Variants in LCORL observed in about 807,000 individuals in gnomAD.
LCORL encodes ligand-dependent nuclear receptor corepressor-like protein.
LCORL carries 41 observed loss-of-function variants against 141.8 expected under a neutral mutation model. The ratio of observed to expected loss-of-function variants is 0.29; its 90% CI spans 0.23 to 0.38. The LOEUF (loss-of-function observed/expected upper bound fraction) is 0.38. LCORL is among the 10% of genes least tolerant of loss of function. The probability of loss-of-function intolerance (pLI) is 1.00; values close to 1 mark genes in which losing one functional copy is unlikely to be tolerated. For missense variants in LCORL, 1,759 were observed against 2,035.0 expected, an observed-to-expected ratio of 0.86 and a Z score of 2.61; for synonymous variants, 618 against 694.1, an observed-to-expected ratio of 0.89 and a Z score of 1.72.
chr4:17,846,725 C>T (rs915442582), intron 7 of LCORL, among the ~76,000 whole-genome samples: 2 of 152,216 alleles, frequency 1.3e-5, no homozygotes, highest in African/African-American at 4.8e-5. Context: ...AGTTCATGAG[C>T]ACAGTCCTGT....
At chr4:17,946,634 C>T (rs1382294113) in intron 4 of LCORL, among the ~76,000 whole-genome samples, 2 of 151,760 alleles carry the variant, frequency 1.3e-5, no homozygotes, top group Non-Finnish European at 2.9e-5. Flanking sequence ...AAGATAATGA[C>T]AAAATAGTAT....
At chr4:17,881,370 C>G in intron 6 of LCORL, 5 of 981,088 alleles carry the variant, frequency 5.1e-6, no homozygotes, top group Non-Finnish European at 6.1e-6. Context: ...GGGAATTTCC[C>G]TGCCTTTCCT....
chr4:17,878,926 C>T (rs1727211011), intron 6 of LCORL, among the ~76,000 whole-genome samples: 1 of 151,058 alleles, frequency 6.6e-6, no homozygotes, highest in Non-Finnish European at 1.5e-5. Context: ...ACCGGGCTTG[C>T]TTATCGACCA....
chr4:17,877,173 T>C, exon 7 of LCORL: 4 of 1,230,734 alleles, frequency 3.3e-6, no homozygotes, highest in Non-Finnish European at 3.0e-6. Flanking sequence ...TTCTTGACGC[T>C]TTCGAAATCT....
chr4:17,949,645 T>C (rs1176729298), intron 4 of LCORL, among the ~76,000 whole-genome samples: 1 of 152,170 alleles, frequency 6.6e-6, no homozygotes, highest in African/African-American at 2.4e-5. Flanking sequence ...TTGGAAACAA[T>C]ACACTTTCTT....
chr4:17,933,710 T>G (rs1322119639), intron 4 of LCORL, among the ~76,000 whole-genome samples: 1 of 152,136 alleles, frequency 6.6e-6, no homozygotes, highest in Non-Finnish European at 1.5e-5. Flanking sequence ...TGTCCTATAC[T>G]CTATTCATTT....
At chr4:17,846,001 A>C in intron 7 of LCORL, 100 bp from the exon 8 acceptor site, 1 of 896,136 alleles carries the variant, frequency 1.1e-6, no homozygotes, top group East Asian at 2.4e-5. Context: ...TTGGACCTCT[A>C]AATTTTAGCA....
intron 1 of LCORL, among the ~76,000 whole-genome samples, chr4:17,982,442 G>A (rs985204018): frequency 2.0e-5 from 3 of 151,510 alleles, no homozygotes; most frequent in Non-Finnish European, 3.0e-5. Flanking sequence ...TTGCCAGCAT[G>A]TTATTTACTT....
Position 18,021,531 on chromosome 4 carries a change from C to T in LCORL, c.154+67G>A. 1 of 1,412,704 alleles carries T rather than the reference C, an allele frequency of 7.1e-7. No individual in the cohort carries two copies. The allele number at this position is 1,412,704 out of a possible 1,614,324, so 87.5% of individuals were successfully genotyped here. ...GAGATTCAACTAAACCCCTCAGCCA[C>T]AAACTCCTCGGGCTGCGACAGCGGT... On this transcript the variant is annotated intron_variant, in intron 1 of 7. Coordinates refer to ENST00000635767, the Ensembl canonical transcript of LCORL. The surrounding 1 kb of genome is among the most constrained non-coding windows in gnomAD (Gnocchi z 5.5).
rs148591141 is a variant in LCORL at position 18,009,324 on chromosome 4, T to C, written c.154+12274A>G. On this transcript the variant is annotated intron_variant, in intron 1 of 7. Coordinates refer to ENST00000635767, the Ensembl canonical transcript of LCORL. The stretch of plus-strand genomic sequence containing the variant: ...TAACCAATCTCCCACTGTAGCTGTC[T>C]CTTTCCCTACACGGACACCCTCCTC... Among the ~76,000 whole-genome samples the C allele has an allele frequency of 6.6e-3, 1,009 of 152,130 alleles. 15 individuals are homozygous for C. The highest frequency in any genetic ancestry group is 0.023 in the African/African-American group (971 of 41,470).
chr4:17,974,312 A>G (rs569391677), intron 1 of LCORL, among the ~76,000 whole-genome samples: 1 of 152,140 alleles, frequency 6.6e-6, no homozygotes, highest in South Asian at 2.1e-4. Context: ...TCTTTACTGC[A>G]TTTTAGTTAA....
At chr4:18,010,899 CT>C (rs1723659474) in intron 1 of LCORL, among the ~76,000 whole-genome samples, 1 of 152,148 alleles carries the variant, frequency 6.6e-6, no homozygotes, top group African/African-American at 2.4e-5. Flanking sequence ...TCCCTTGCTC[CT>C]GGTTTCTATG....
At chr4:17,874,235 C>T in exon 7 of LCORL, 1 of 1,233,906 alleles carries the variant, frequency 8.1e-7, no homozygotes, top group Non-Finnish European at 1.0e-6. Flanking sequence ...AATTACTTTT[C>T]ACATTTAAGA....
At position 18,019,632 on chromosome 4, in the gene LCORL, T is replaced by C. The variant is rs73802716; in HGVS notation, c.154+1966A>G. Among the ~76,000 whole-genome samples, 746 of 152,224 alleles carry C rather than the reference T, an allele frequency of 4.9e-3. 3 individuals are homozygous for C. Among genetic ancestry groups the C allele is most frequent in the African/African-American group, 0.017 (703 of 41,514 alleles). On this transcript the variant is annotated intron_variant, in intron 1 of 7. Transcript: ENST00000635767. ...AAAGTTTGACTATTTTTCAAGTCTATCTATTTTTATGATGCAAAGCTATAC... is the reference window on the plus strand; with the variant it reads ...AAAGTTTGACTATTTTTCAAGTCTACCTATTTTTATGATGCAAAGCTATAC...
chr4:17,962,689 T>G (rs141064656), intron 3 of LCORL, among the ~76,000 whole-genome samples: 3 of 151,632 alleles, frequency 2.0e-5, no homozygotes, highest in African/African-American at 4.8e-5. Flanking sequence ...AAATACAAAA[T>G]AGACCTGAAC....
intron 4 of LCORL, among the ~76,000 whole-genome samples, chr4:17,923,483 T>C (rs557302899): frequency 3.3e-5 from 5 of 152,100 alleles, no homozygotes; most frequent in Non-Finnish European, 7.4e-5. Flanking sequence ...CCATCTCTAC[T>C]AAAAACACAA....
rs1728011223 is a variant in LCORL, at chr4:17,884,381, T to G, written c.776+1687A>C. On this transcript the variant is annotated intron_variant, in intron 6 of 7. Transcript: ENST00000635767. The surrounding 1 kb of genome is among the most constrained non-coding windows in gnomAD (Gnocchi z 4.4). The stretch of plus-strand genomic sequence containing the variant: ...GACCATTTTCTGTAGAGTTAGCTGA[T>G]GGAGGTAAGTGGAAGCTGTTGGGAA... 3 of 1,547,374 alleles carry G rather than the reference T, an allele frequency of 1.9e-6. No homozygotes were observed. In the Admixed American group the frequency reaches 6.0e-5, roughly 31 times the overall value.
At chr4:17,981,248 A>G (rs1417052044) in intron 1 of LCORL, among the ~76,000 whole-genome samples, 2 of 152,182 alleles carry the variant, frequency 1.3e-5, no homozygotes, top group Non-Finnish European at 2.9e-5. Context: ...ACCCTAGAGT[A>G]TGAATATTTT....
chr4:17,977,198 A>G (rs576587492), intron 1 of LCORL, among the ~76,000 whole-genome samples: 2 of 152,246 alleles, frequency 1.3e-5, no homozygotes, highest in East Asian at 3.9e-4. Context: ...GATATACTAC[A>G]ATTTTTAATC....
Sources: gnomAD v4.1 joint callset for allele counts (sites outside exome capture counted in the v4.1 genomes callset) on GRCh38, gnomAD v4.1.1 for gene constraint, Gnocchi (gnomAD v3.1) non-coding constraint, MANE v1.5 for transcripts, NCBI Gene and HGNC (gene_info 2026-07-23, HGNC 2026-07-21) for gene names.